The following PMFBP1 variants were observed in gnomAD, a reference collection of about 807,000 sequenced individuals.
The protein encoded by PMFBP1 is polyamine modulated factor 1 binding protein 1.
In PMFBP1, 131 loss-of-function variants were observed where a neutral mutation model predicts 137.8. The ratio of observed to expected loss-of-function variants is 0.95; its 90% CI spans 0.82 to 1.10. PMFBP1 has a LOEUF of 1.10. Ranked by LOEUF, PMFBP1 falls within the 50% of genes least tolerant of loss-of-function variation. PMFBP1 has a pLI of 0.00. For missense variants in PMFBP1, 1,199 were observed against 1,175.4 expected, an observed-to-expected ratio of 1.02 and a Z score of -0.29; for synonymous variants, 490 against 450.4, an observed-to-expected ratio of 1.09 and a Z score of -1.11.
the PMFBP1 span, among the ~76,000 whole-genome samples, chr16:72,230,548 G>A: frequency 2.6e-5 from 4 of 152,070 alleles, no homozygotes; most frequent in Admixed American, 1.3e-4. Context: ...CTCAAAGCTG[G>A]ATCCATCCCC....
chr16:72,243,293 G>A, the PMFBP1 span, among the ~76,000 whole-genome samples: 1 of 152,154 alleles, frequency 6.6e-6, no homozygotes, highest in Non-Finnish European at 1.5e-5. Flanking sequence ...TCCTTACAAT[G>A]AGGCACCAAG....
At chr16:72,149,704 T>C (rs993086414) in intron 5 of PMFBP1, among the ~76,000 whole-genome samples, 2 of 151,990 alleles carry the variant, frequency 1.3e-5, no homozygotes, top group Non-Finnish European at 2.9e-5. Context: ...GTGACTGTAG[T>C]CCCAGATACT....
chr16:72,145,463 T>G (rs909263091), intron 5 of PMFBP1, among the ~76,000 whole-genome samples: 1 of 151,864 alleles, frequency 6.6e-6, no homozygotes, highest in East Asian at 1.9e-4. Flanking sequence ...ACATCACAAT[T>G]AAAAGAACTA....
downstream of PMFBP1, among the ~76,000 whole-genome samples, chr16:72,117,488 T>G (rs1452739178): frequency 6.6e-6 from 1 of 152,142 alleles, no homozygotes; most frequent in Non-Finnish European, 1.5e-5. Context: ...TCCTTTCCAG[T>G]TTGAATCCCT....
At chr16:72,155,073 C>T (rs1225616237) in intron 3 of PMFBP1, among the ~76,000 whole-genome samples, 1 of 151,974 alleles carries the variant, frequency 6.6e-6, no homozygotes, top group African/African-American at 2.4e-5. Flanking sequence ...TCTTGCTAAT[C>T]CACAATCTAT....
chr16:72,120,079 T>C lies in PMFBP1; in HGVS notation c.2779A>G (p.Ser927Gly). 6.2e-7 allele frequency: 1 copy of C among 1,614,180 alleles called. No homozygotes were observed. Among genetic ancestry groups the C allele is most frequent in the Non-Finnish European group, 8.5e-7 (1 of 1,180,030 alleles). Residue 927 changes from serine (S) to glycine (G), a missense_variant, in exon 20 of 21, where the codon AGT becomes GGT. By Grantham distance (56) the Ser-to-Gly change is moderately conservative. Transcript: ENST00000237353. Reference sequence around the variant, plus strand: ...TCCTGCTGCAAGTGGACCATTACACTGTGGAGGTGGCTGTGGGAAGGAGAG... The same window carrying C: ...TCCTGCTGCAAGTGGACCATTACACCGTGGAGGTGGCTGTGGGAAGGAGAG... Reference protein sequence around the residue: ...KLSGEKDHLHSVMVHLQQENK... With the variant: ...KLSGEKDHLHGVMVHLQQENK...
At chr16:72,249,735 T>C in the PMFBP1 span, among the ~76,000 whole-genome samples, 1 of 150,112 alleles carries the variant, frequency 6.7e-6, no homozygotes, top group African/African-American at 2.5e-5. Context: ...GCTGACATGG[T>C]GAAACCCCGT....
At chr16:72,241,637 T>C in the PMFBP1 span, among the ~76,000 whole-genome samples, 1 of 152,136 alleles carries the variant, frequency 6.6e-6, no homozygotes, top group Admixed American at 6.5e-5. Context: ...AAATAACCAG[T>C]CTCCCTAGTT....
intron 3 of PMFBP1, among the ~76,000 whole-genome samples, chr16:72,157,183 CAAAAAAAAAAAA>C (rs35414674): frequency 4.2e-4 from 8 of 18,922 alleles, no homozygotes; most frequent in African/African-American, 1.3e-3. Flanking sequence ...GACTCCATCT[CAAAAAAAAAAAA>C]AAAAAAAAAA....
the PMFBP1 span, among the ~76,000 whole-genome samples, chr16:72,222,801 G>T: frequency 3.9e-5 from 6 of 152,060 alleles, no homozygotes; most frequent in Non-Finnish European, 7.4e-5. Flanking sequence ...TCCATGAGAA[G>T]CCCTTAGCAA....
At position 72,124,899 on chromosome 16, in the gene PMFBP1, G is replaced by GC; in HGVS notation, c.2456dup (p.Ser819ArgfsTer14). Reference sequence around the variant, plus strand: ...GCTTCTGCCACTGCAGCACCTGGCAGCTCATCTCCTCTAGCTTCTTGTCAA... The same window carrying GC: ...GCTTCTGCCACTGCAGCACCTGGCAGCCTCATCTCCTCTAGCTTCTTGTCAA... On this transcript the variant is annotated frameshift_variant, in exon 17 of 21. Coordinates refer to ENST00000237353, the MANE Select transcript of PMFBP1 (RefSeq NM_031293.3). LOFTEE classifies it high-confidence loss of function. 1 of 1,614,190 alleles carries GC rather than the reference G, an allele frequency of 6.2e-7. No homozygotes were observed. The highest frequency in any genetic ancestry group is 8.5e-7 in the Non-Finnish European group (1 of 1,180,016).
At chr16:72,206,032 G>A in the PMFBP1 span, among the ~76,000 whole-genome samples, 1 of 152,080 alleles carries the variant, frequency 6.6e-6, no homozygotes, top group Non-Finnish European at 1.5e-5. Context: ...GAGAATGAAT[G>A]AATGTCCTGA....
chr16:72,221,158 G>A, the PMFBP1 span, among the ~76,000 whole-genome samples: 10 of 152,000 alleles, frequency 6.6e-5, no homozygotes, highest in Non-Finnish European at 1.0e-4. Context: ...AATAATCCTC[G>A]CCCCCTGCCA....
chr16:72,136,337 G>A, intron 9 of PMFBP1, 111 bp downstream of exon 9: 1 of 1,258,220 alleles, frequency 7.9e-7, no homozygotes, highest in South Asian at 1.4e-5. Flanking sequence ...CACTGTGCTT[G>A]TGTTGAGGCT....
At chr16:72,186,306 G>C in the PMFBP1 span, among the ~76,000 whole-genome samples, 1 of 152,274 alleles carries the variant, frequency 6.6e-6, no homozygotes, top group East Asian at 1.9e-4. Flanking sequence ...AATGGCTTCT[G>C]CTATTCAGAG....
the PMFBP1 span, among the ~76,000 whole-genome samples, chr16:72,207,763 T>C: frequency 6.7e-6 from 1 of 149,372 alleles, no homozygotes; most frequent in East Asian, 1.9e-4. Context: ...TACACACACA[T>C]ATACATATAT....
chr16:72,204,268 G>A, the PMFBP1 span, among the ~76,000 whole-genome samples: 55 of 151,850 alleles, frequency 3.6e-4, no homozygotes, highest in Admixed American at 6.6e-4. Flanking sequence ...GCTCACTGCG[G>A]CCTCAACATC....
the PMFBP1 span, among the ~76,000 whole-genome samples, chr16:72,245,591 G>A: frequency 1.3e-5 from 2 of 152,238 alleles, no homozygotes; most frequent in Non-Finnish European, 2.9e-5. Flanking sequence ...CATGTTTTCA[G>A]AATCATGGCA....
the PMFBP1 span, among the ~76,000 whole-genome samples, chr16:72,231,153 T>C: frequency 6.6e-6 from 1 of 152,100 alleles, no homozygotes; most frequent in African/African-American, 2.4e-5. Flanking sequence ...GCACAGAGGA[T>C]TAAGGTGAAG....
Sources: gnomAD v4.1 joint callset for allele counts (sites outside exome capture counted in the v4.1 genomes callset) on GRCh38, gnomAD v4.1.1 for gene constraint, MANE v1.5 for transcripts, NCBI Gene and HGNC (gene_info 2026-07-23, HGNC 2026-07-21) for gene names.